MTFR1: variants seen among roughly 807,000 people sequenced by gnomAD.
MTFR1 encodes chondrocyte protein with a poly-proline region.
MTFR1 carries 28 observed loss-of-function variants against 38.8 expected under a neutral mutation model. That is an observed-to-expected ratio of 0.72 (90% CI 0.53 to 0.99). The LOEUF is 0.99. Among genes scored for constraint, MTFR1 ranks in the 50% least tolerant of loss-of-function variants. The pLI is 0.00. For synonymous variants in MTFR1, 145 were observed against 137.0 expected (o/e 1.06, Z -0.41); for missense variants, 358 against 395.5 (o/e 0.91, Z 0.81).
intron 2 of MTFR1, chr8:65,719,019 C>T: frequency 6.3e-6 from 3 of 475,984 alleles, no homozygotes; most frequent in Non-Finnish European, 1.1e-5. Flanking sequence ...TCAAAACTTC[C>T]TTTGTTACTC....
intron 1 of MTFR1, among the ~76,000 whole-genome samples, chr8:65,668,525 CTT>C (rs144265003): frequency 2.4e-5 from 3 of 127,008 alleles, no homozygotes; most frequent in Admixed American, 8.8e-5. Context: ...TTTCTTTTTT[CTT>C]TTTTTTTTTT....
chr8:65,657,095 C>T (rs1809289836), intron 1 of MTFR1, among the ~76,000 whole-genome samples: 1 of 150,628 alleles, frequency 6.6e-6, no homozygotes, highest in African/African-American at 2.5e-5. Flanking sequence ...TTCACTGTAA[C>T]ATCCGCCTCC....
intron 4 of MTFR1, among the ~76,000 whole-genome samples, chr8:65,704,198 G>C (rs945168562): frequency 1.3e-5 from 2 of 152,010 alleles, no homozygotes; most frequent in African/African-American, 4.8e-5. Flanking sequence ...TTTTGTCAAA[G>C]GTCCTAAACT....
downstream of MTFR1, among the ~76,000 whole-genome samples, chr8:65,713,439 AACACACACACACACACACACACACAC>A (rs144454204): frequency 2.4e-3 from 336 of 137,558 alleles, 1 homozygote; most frequent in African/African-American, 8.7e-3. Context: ...TCCCATCTCA[AACACACACACACACACACACACACAC>A]ACACACACAC....
In MTFR1 at chr8:65,763,352, G is replaced by A. The variant is rs191681897; in HGVS notation, c.*49-7595G>A. On this transcript the variant is annotated intron_variant, in intron 3 of 3. Coordinates refer to the MTFR1 transcript ENST00000521247. ...AGGCTGAGGCGGGTGGATCACCTGAGGTCAGAAGTTCGAGACCAGCCTGAC... is the reference window on the plus strand; with the variant it reads ...AGGCTGAGGCGGGTGGATCACCTGAAGTCAGAAGTTCGAGACCAGCCTGAC... Among the ~76,000 whole-genome samples, 1,121 of 152,204 alleles carry A rather than the reference G, an allele frequency of 7.4e-3. 7 individuals are homozygous for A. The highest frequency in any genetic ancestry group is 0.024 in the African/African-American group (1,015 of 41,522).
intron 3 of MTFR1, chr8:65,727,567 A>G (rs773279874): frequency 3.3e-6 from 1 of 305,048 alleles, no homozygotes; most frequent in East Asian, 5.4e-5. Context: ...ATTTTTAACA[A>G]GCTTAATTAA....
intron 1 of MTFR1, among the ~76,000 whole-genome samples, chr8:65,654,064 CAAAAAA>C (rs34665689): frequency 4.4e-4 from 37 of 83,676 alleles, no homozygotes; most frequent in African/African-American, 1.8e-3. Context: ...CTTTGTCTCT[CAAAAAA>C]AAAAAAAAAA....
Position 65,755,018 on chromosome 8 carries a change from T to C in MTFR1, c.*49-15929T>C, listed in dbSNP as rs1585876495. ...CATCATTGCCTGTTTATTTTTTTTT[T>C]CACTTATTTTTTTTTTTTTTGAGAC... On this transcript the variant is annotated intron_variant, in intron 3 of 3. Coordinates refer to the MTFR1 transcript ENST00000521247. Among the ~76,000 whole-genome samples the C allele has an allele frequency of 2.0e-5, 3 of 147,920 alleles. No homozygotes were observed. The Admixed American group carries it at 2.1e-4, about 10-fold the overall frequency.
At chr8:65,711,346 G>C (rs1317308422), downstream of MTFR1, among the ~76,000 whole-genome samples, 1 of 152,086 alleles carries the variant, frequency 6.6e-6, no homozygotes, top group African/African-American at 2.4e-5. Flanking sequence ...AGGAATACAC[G>C]TGGTAATAAC....
chr8:65,735,373 A>G (rs1046064174), intron 3 of MTFR1, among the ~76,000 whole-genome samples: 1 of 152,024 alleles, frequency 6.6e-6, no homozygotes, highest in African/African-American at 2.4e-5. Flanking sequence ...CAGTGACATG[A>G]TCATGGCTCA....
intron 3 of MTFR1, among the ~76,000 whole-genome samples, chr8:65,746,564 A>G (rs542630536): frequency 1.3e-5 from 2 of 152,308 alleles, no homozygotes; most frequent in South Asian, 2.1e-4. Context: ...TATACCATAC[A>G]TTCTTAACCT....
downstream of MTFR1, among the ~76,000 whole-genome samples, chr8:65,774,688 T>G (rs557739153): frequency 6.6e-6 from 1 of 151,856 alleles, no homozygotes; most frequent in Non-Finnish European, 1.5e-5. Flanking sequence ...TGAAAATATC[T>G]AATGGCTAAA....
chr8:65,685,671 G>A (rs139067958), intron 3 of MTFR1, among the ~76,000 whole-genome samples: 1 of 152,284 alleles, frequency 6.6e-6, no homozygotes, highest in East Asian at 1.9e-4. Flanking sequence ...GCTAGGTGTT[G>A]GTATTGAGTG....
chr8:65,735,017 G>A (rs987503324), intron 3 of MTFR1: 19 of 646,346 alleles, frequency 2.9e-5, no homozygotes, highest in Non-Finnish European at 4.5e-5. Context: ...AAATCGTGCC[G>A]ATTCGGGCAG....
chr8:65,657,174 C>T (rs1809292116), intron 1 of MTFR1, among the ~76,000 whole-genome samples: 1 of 151,906 alleles, frequency 6.6e-6, no homozygotes, highest in African/African-American at 2.4e-5. Flanking sequence ...CCACCACACC[C>T]AGCTAATTTT....
At chr8:65,728,018 C>G (rs1239889555) in intron 3 of MTFR1, 1 of 152,156 alleles carries the variant, frequency 6.6e-6, no homozygotes, top group East Asian at 1.9e-4. Flanking sequence ...AAAAAGATCA[C>G]CTTGACTATA....
chr8:65,754,114 T>G (rs970043704), intron 3 of MTFR1, among the ~76,000 whole-genome samples: 16 of 152,134 alleles, frequency 1.1e-4, no homozygotes, highest in African/African-American at 3.9e-4. Flanking sequence ...ACTGAAGAAC[T>G]TGGGAGTCTG....
chr8:65,765,438 G>A (rs1213961410), intron 3 of MTFR1: 1 of 121,760 alleles, frequency 8.2e-6, no homozygotes, highest in Admixed American at 1.0e-4. Context: ...GCAGTGAGCC[G>A]AGATCCCGCC....
At chr8:65,655,969 C>CATATATATATATATAT in intron 1 of MTFR1, among the ~76,000 whole-genome samples, 1 of 56,482 alleles carries the variant, frequency 1.8e-5, no homozygotes. Context: ...TATATATATA[C>CATATATATATATATAT]CATATATATA....
Sources: gnomAD v4.1 joint callset for allele counts (sites outside exome capture counted in the v4.1 genomes callset) on GRCh38, gnomAD v4.1.1 for gene constraint, MANE v1.5 for transcripts, NCBI Gene and HGNC (gene_info 2026-07-23, HGNC 2026-07-21) for gene names.